The following EGLN3 variants were observed in gnomAD, a reference collection of about 807,000 sequenced individuals.
EGLN3 encodes prolyl hydroxylase EGLN3.
EGLN3 carries 15 observed loss-of-function variants against 26.0 expected under a neutral mutation model. The ratio of observed to expected loss-of-function variants is 0.58; its 90% CI spans 0.39 to 0.89. The LOEUF (loss-of-function observed/expected upper bound fraction) is 0.89. Among genes scored for constraint, EGLN3 ranks in the 40% least tolerant of loss-of-function variants. The probability of loss-of-function intolerance (pLI) is 0.00; values close to 1 mark genes in which losing one functional copy is unlikely to be tolerated. For synonymous variants in EGLN3, 147 were observed against 127.2 expected (o/e 1.16, Z -1.05); for missense variants, 238 against 311.6 (o/e 0.76, Z 1.78).
intron 1 of EGLN3, among the ~76,000 whole-genome samples, chr14:33,942,160 G>A (rs1343799276): frequency 6.6e-6 from 1 of 152,048 alleles, no homozygotes; most frequent in East Asian, 1.9e-4. Flanking sequence ...ATGGATTACA[G>A]GAAGAACAAG....
intron 1 of EGLN3, 48 bp from the exon 2 acceptor site, chr14:33,931,263 A>G: frequency 6.2e-7 from 1 of 1,612,890 alleles, no homozygotes; most frequent in Non-Finnish European, 8.5e-7. Context: ...GAGACAGACA[A>G]TCTTCTCCTC....
intron 1 of EGLN3, among the ~76,000 whole-genome samples, chr14:33,944,567 A>G (rs2064504658): frequency 6.6e-6 from 1 of 152,224 alleles, no homozygotes; most frequent in African/African-American, 2.4e-5. Flanking sequence ...AAAAACCCAT[A>G]TTATTAACAT....
Position 33,950,523 on chromosome 14 carries a change from T to A in EGLN3, c.230A>T (p.Gln77Leu). The change falls in exon 1 of 5, where the codon CAG becomes CTG. Residue 77 changes from glutamine (Q) to leucine (L), a missense_variant. By Grantham distance (113) the Gln-to-Leu change is moderately radical. Coordinates refer to ENST00000250457, the MANE Select transcript of EGLN3 (RefSeq NM_022073.4). ...CTCGTTGCCCCCGATCCACGTGATC[T>A]GGTCGCCCCGCAGGTGTCGCTTGGA... The part of the protein sequence containing the change: ...GVSKRHLRGD[Q>L]ITWIGGNEEG... 6.2e-7 allele frequency: 1 copy of A among 1,613,626 alleles called. No individual in the cohort carries two copies. The highest frequency in any genetic ancestry group is 1.1e-5 in the South Asian group (1 of 91,086).
At chr14:33,939,673 T>C (rs111873797) in intron 1 of EGLN3, among the ~76,000 whole-genome samples, 2,494 of 152,348 alleles carry the variant, frequency 0.016, 58 homozygotes, top group African/African-American at 0.055. Context: ...AAGCATTTAC[T>C]ATGTGCCCAA....
At chr14:33,933,077 C>G (rs1347438268) in intron 1 of EGLN3, among the ~76,000 whole-genome samples, 1 of 152,082 alleles carries the variant, frequency 6.6e-6, no homozygotes, top group Non-Finnish European at 1.5e-5. Context: ...TATGCTTAAA[C>G]AGCTCTTCTC....
chr14:33,935,833 C>T (rs1056945998), intron 1 of EGLN3, among the ~76,000 whole-genome samples: 2 of 152,140 alleles, frequency 1.3e-5, no homozygotes, highest in East Asian at 1.9e-4. Context: ...CCATCAAGTC[C>T]TTCCCCCATG....
intron 1 of EGLN3, among the ~76,000 whole-genome samples, chr14:33,942,695 G>T (rs1343571093): frequency 6.6e-6 from 1 of 152,148 alleles, no homozygotes; most frequent in East Asian, 1.9e-4. Flanking sequence ...CACTGACAAA[G>T]AATTGAGGTT....
Position 33,924,723 on chromosome 14 carries a change from C to T in EGLN3, c.*1168G>A, listed in dbSNP as rs936899047. ...ATTGAGGCAGTGCGATCTGTGCTTA[C>T]TGCAGGAGTAGAAGCTTCCACAGTT... On this transcript the variant is annotated 3_prime_UTR_variant, in exon 5 of 5. Coordinates refer to ENST00000250457, the MANE Select transcript of EGLN3 (RefSeq NM_022073.4). 6.6e-6 allele frequency: 1 copy of T among 152,062 alleles called. No homozygotes were observed. Among genetic ancestry groups the T allele is most frequent in the Non-Finnish European group, 1.5e-5 (1 of 68,026 alleles). The allele number at this position is 152,062 out of a possible 1,614,324, so 9.4% of individuals were successfully genotyped here.
chr14:33,932,268 C>G, intron 1 of EGLN3, among the ~76,000 whole-genome samples: 1 of 152,134 alleles, frequency 6.6e-6, no homozygotes, highest in East Asian at 1.9e-4. Flanking sequence ...ATAAATAAAT[C>G]AATGAACTAG....
Position 33,926,978 on chromosome 14 carries a change from T to G in EGLN3, c.670A>C (p.Lys224Gln), listed in dbSNP as rs1193053087. ...DAEERAEAKK[K>Q]FRNLTRKTES... ...CACATACTAGTTAAATTCCTGAATTTCTTTTTGGCTTCTGCCCTTTCTTCA... is the reference window on the plus strand; with the variant it reads ...CACATACTAGTTAAATTCCTGAATTGCTTTTTGGCTTCTGCCCTTTCTTCA... The change falls in exon 4 of 5, where the codon AAA becomes CAA. Residue 224 changes from lysine to glutamine, a missense_variant. Transcript: ENST00000250457. The G allele has an allele frequency of 7.5e-6, 12 of 1,607,248 alleles. No homozygotes were observed. Among genetic ancestry groups the G allele is most frequent in the Non-Finnish European group, 1.0e-5 (12 of 1,176,782 alleles).
In EGLN3 at chr14:33,946,615, C is replaced by T. The variant is rs1796783208; in HGVS notation, c.357+3781G>A. ...CAGGCTGAACACTCCATAACATTTG[C>T]TGAATAAATGAAAGGTCGGAAGTAG... is the stretch of plus-strand genomic sequence containing the variant. On this transcript the variant is annotated intron_variant, in intron 1 of 4. Transcript: ENST00000250457. Among the ~76,000 whole-genome samples, 4 of 152,136 alleles carry T rather than the reference C, an allele frequency of 2.6e-5. No homozygotes were observed. The South Asian group carries it at 6.2e-4, about 24-fold the overall frequency.
rs1485962793 is a variant in EGLN3, at chr14:33,925,284, G to T, written c.*607C>A. ...GGGGCTGAGGCAGAAAATCCAGGTT[G>T]CAGGACTGGGAAAAAAGGAGTGTCT... is the stretch of plus-strand genomic sequence containing the variant. On this transcript the variant is annotated 3_prime_UTR_variant, in exon 5 of 5. Transcript: ENST00000250457. 1 of 152,158 alleles carries T rather than the reference G, an allele frequency of 6.6e-6. No individual in the cohort carries two copies. The highest frequency in any genetic ancestry group is 2.4e-5 in the African/African-American group (1 of 41,440). The allele number at this position is 152,158 out of a possible 1,614,324, so 9.4% of individuals were successfully genotyped here. A position where few individuals can be genotyped will look rare whatever the true frequency, so the allele number is the denominator to read the frequency against.
At chr14:33,929,401 G>A (rs2064385786) in intron 2 of EGLN3, among the ~76,000 whole-genome samples, 189 bp from the exon 3 acceptor site, 2 of 152,188 alleles carry the variant, frequency 1.3e-5, no homozygotes, top group African/African-American at 4.8e-5. Flanking sequence ...TGCCCAGGCT[G>A]GAGTGCAATG....
intron 1 of EGLN3, among the ~76,000 whole-genome samples, chr14:33,946,167 G>A (rs1192019727): frequency 2.6e-5 from 4 of 151,976 alleles, no homozygotes; most frequent in Non-Finnish European, 4.4e-5. Context: ...ACCTGAGGTC[G>A]GGAGTTAGAG....
At position 33,950,758 on chromosome 14, in the gene EGLN3, C is replaced by T. The variant is rs1327443454; in HGVS notation, c.-6G>A. 6.3e-7 allele frequency: 1 copy of T among 1,596,244 alleles called. No individual in the cohort carries two copies. The highest frequency in any genetic ancestry group is 1.7e-5 in the Admixed American group (1 of 59,240). On this transcript the variant is annotated 5_prime_UTR_variant, in exon 1 of 5. Transcript: ENST00000250457. The stretch of plus-strand genomic sequence containing the variant: ...ATGATGTGTCCCAGGGGCATCTCGC[C>T]CGCAGAATCGAGGTCCGGGATCCCC...
At chr14:33,930,154 A>G (rs1236636822) in intron 2 of EGLN3, among the ~76,000 whole-genome samples, 1 of 152,190 alleles carries the variant, frequency 6.6e-6, no homozygotes, top group African/African-American at 2.4e-5. Flanking sequence ...CACTAGCAGG[A>G]ACTCAAATAT....
chr14:33,944,064 C>G (rs766378240), intron 1 of EGLN3, among the ~76,000 whole-genome samples: 8 of 152,158 alleles, frequency 5.3e-5, no homozygotes, highest in Non-Finnish European at 1.0e-4. Flanking sequence ...CCTACTGACC[C>G]TGGTCCCAGT....
chr14:33,950,437 C>T lies in EGLN3; in HGVS notation c.316G>A (p.Gly106Arg). ...SLIDRLVLYC[G>R]SRLGKYYVKE... Reference sequence around the variant, plus strand: ...ACGTAGTATTTGCCCAGCCGGCTCCCGCAGTAGAGGACCAGCCTGTCGATG... The same window carrying T: ...ACGTAGTATTTGCCCAGCCGGCTCCTGCAGTAGAGGACCAGCCTGTCGATG... Residue 106 changes from glycine (G) to arginine (R), a missense_variant, in exon 1 of 5, where the codon GGG becomes AGG. By Grantham distance (125) the Gly-to-Arg change is moderately radical. Transcript: ENST00000250457. 1.2e-6 allele frequency: 2 copies of T among 1,613,380 alleles called. No individual in the cohort carries two copies. Among genetic ancestry groups the T allele is most frequent in the Non-Finnish European group, 1.7e-6 (2 of 1,180,040 alleles).
chr14:33,947,048 AG>A (rs1200137574), intron 1 of EGLN3, among the ~76,000 whole-genome samples: 29 of 152,378 alleles, frequency 1.9e-4, no homozygotes, highest in African/African-American at 6.7e-4. Context: ...GCTCAATAAA[AG>A]GTAGTTCTTC....
Sources: gnomAD v4.1 joint callset for allele counts (sites outside exome capture counted in the v4.1 genomes callset) on GRCh38, gnomAD v4.1.1 for gene constraint, MANE v1.5 for transcripts, NCBI Gene and HGNC (gene_info 2026-07-23, HGNC 2026-07-21) for gene names.